The following TRHDE variants were observed in gnomAD, a reference collection of about 807,000 sequenced individuals.
TRHDE encodes thyrotropin releasing hormone degrading enzyme.
TRHDE carries 72 observed loss-of-function variants against 125.7 expected under a neutral mutation model. The ratio of observed to expected loss-of-function variants is 0.57; its 90% CI spans 0.47 to 0.70. The LOEUF (loss-of-function observed/expected upper bound fraction) is 0.70. Among genes scored for constraint, TRHDE ranks in the 30% least tolerant of loss-of-function variants. TRHDE has a pLI of 0.00. For synonymous variants in TRHDE, 509 were observed against 509.1 expected, an observed-to-expected ratio of 1.00 and a Z score of 0.00; for missense variants, 1,110 against 1,327.1, an observed-to-expected ratio of 0.84 and a Z score of 2.54.
intron 3 of TRHDE, among the ~76,000 whole-genome samples, chr12:72,441,452 T>C (rs1875007136): frequency 6.6e-6 from 1 of 151,844 alleles, no homozygotes; most frequent in Non-Finnish European, 1.5e-5. Context: ...AGTAAGACAG[T>C]TCATCATTGC....
chr12:72,620,268 T>C (rs1177526322), intron 13 of TRHDE, among the ~76,000 whole-genome samples: 2 of 145,196 alleles, frequency 1.4e-5, no homozygotes, highest in South Asian at 2.1e-4. Context: ...TTGTATTCCT[T>C]GGCAAAATTC....
At chr12:72,435,785 T>C (rs1290446701) in intron 3 of TRHDE, among the ~76,000 whole-genome samples, 1 of 151,932 alleles carries the variant, frequency 6.6e-6, no homozygotes, top group African/African-American at 2.4e-5. Flanking sequence ...AAAAGAAACA[T>C]ATAATTTTGA....
chr12:72,469,791 C>G lies in TRHDE; in HGVS notation c.1349C>G (p.Ala450Gly). Residue 450 changes from alanine to glycine, a missense_variant, in exon 4 of 19, where the codon GCT (alanine) becomes GGT (glycine). Coordinates refer to ENST00000261180, the MANE Select transcript of TRHDE (RefSeq NM_013381.3). The stretch of plus-strand genomic sequence containing the variant: ...GCTGTGCCTAAGCATCCGTATGCTG[C>G]TATGGAGAACTGGGGACTAAGTATT... Reference protein sequence around the residue: ...LLAVPKHPYAAMENWGLSIFV... With the variant: ...LLAVPKHPYAGMENWGLSIFV... 6.2e-7 allele frequency: 1 copy of G among 1,614,048 alleles called. No homozygotes were observed.
At chr12:72,565,129 A>G (rs2136014749) in intron 9 of TRHDE, among the ~76,000 whole-genome samples, 1 of 152,288 alleles carries the variant, frequency 6.6e-6, no homozygotes, top group African/African-American at 2.4e-5. Context: ...ATTCACTATA[A>G]CATCCTGGTC....
chr12:72,383,785 G>T (rs367921862), intron 3 of TRHDE, among the ~76,000 whole-genome samples: 3 of 130,738 alleles, frequency 2.3e-5, no homozygotes, highest in Admixed American at 8.2e-5. Context: ...AATATGTTTT[G>T]ACCACACAGC....
intron 2 of TRHDE, chr12:72,257,056 T>A (rs1878834469): frequency 1.3e-5 from 2 of 152,196 alleles, no homozygotes; most frequent in African/African-American, 4.8e-5. Context: ...TGTTGCCAAG[T>A]GGCTTAATTT....
chr12:72,125,792 T>C (rs1201994706), intron 2 of TRHDE, among the ~76,000 whole-genome samples: 1 of 152,158 alleles, frequency 6.6e-6, no homozygotes, highest in Non-Finnish European at 1.5e-5. Context: ...ATAAAAGTGA[T>C]CCCTGAAAGA....
chr12:72,319,243 G>T (rs1868960365), intron 2 of TRHDE, among the ~76,000 whole-genome samples: 1 of 152,100 alleles, frequency 6.6e-6, no homozygotes, highest in Non-Finnish European at 1.5e-5. Context: ...CTCATAGAGG[G>T]GCCAGCTGTT....
chr12:72,550,781 C>T (rs1424335759), intron 7 of TRHDE, among the ~76,000 whole-genome samples: 1 of 151,692 alleles, frequency 6.6e-6, no homozygotes, highest in Non-Finnish European at 1.5e-5. Context: ...ATATTTTCTC[C>T]AAAATGTTAA....
chr12:72,090,871 T>G (rs1410327857), intron 1 of TRHDE, among the ~76,000 whole-genome samples: 1 of 151,970 alleles, frequency 6.6e-6, no homozygotes, highest in Non-Finnish European at 1.5e-5. Flanking sequence ...TTTTTTTTTT[T>G]TAAGGGACAG....
intron 1 of TRHDE, among the ~76,000 whole-genome samples, chr12:72,277,951 G>A (rs1472060954): frequency 6.6e-6 from 1 of 152,050 alleles, no homozygotes; most frequent in Non-Finnish European, 1.5e-5. Flanking sequence ...TGGTGAGAAT[G>A]TTTAACATCT....
chr12:72,272,072 C>A, upstream of TRHDE: 1 of 457,724 alleles, frequency 2.2e-6, no homozygotes, highest in South Asian at 1.5e-5. The surrounding 1 kb of genome is among the most constrained non-coding windows in gnomAD (Gnocchi z 6.7). Flanking sequence ...TTCTCTCCAG[C>A]TGCAGGGTGT....
intron 2 of TRHDE, among the ~76,000 whole-genome samples, chr12:72,128,724 A>G (rs1654497445): frequency 6.6e-6 from 1 of 152,228 alleles, no homozygotes; most frequent in East Asian, 1.9e-4. Flanking sequence ...GAAACGCTCC[A>G]AAAGAAAACA....
intron 12 of TRHDE, among the ~76,000 whole-genome samples, chr12:72,606,089 C>T (rs1192270085): frequency 6.6e-6 from 1 of 152,198 alleles, no homozygotes; most frequent in African/African-American, 2.4e-5. Flanking sequence ...TGCTGCCAGT[C>T]TGACTTCCCA....
At chr12:72,135,686 G>A (rs1031195803) in intron 2 of TRHDE, among the ~76,000 whole-genome samples, 3 of 152,254 alleles carry the variant, frequency 2.0e-5, no homozygotes, top group Admixed American at 2.0e-4. Context: ...TTGTGTGGAT[G>A]AGATTGATGA....
intron 2 of TRHDE, among the ~76,000 whole-genome samples, chr12:72,298,553 A>C (rs1285608552): frequency 6.6e-6 from 1 of 152,154 alleles, no homozygotes; most frequent in Non-Finnish European, 1.5e-5. Flanking sequence ...CCAAGCCTTT[A>C]TAATCCAAGA....
At chr12:72,239,540 T>G (rs1480780538) in intron 2 of TRHDE, among the ~76,000 whole-genome samples, 1 of 152,124 alleles carries the variant, frequency 6.6e-6, no homozygotes, top group Non-Finnish European at 1.5e-5. Context: ...CTTGATAGAT[T>G]TTAAAGGTAA....
At chr12:72,521,450 G>A (rs1879191336) in intron 6 of TRHDE, among the ~76,000 whole-genome samples, 1 of 152,154 alleles carries the variant, frequency 6.6e-6, no homozygotes, top group African/African-American at 2.4e-5. Flanking sequence ...AGAGGGGAGA[G>A]TGTGAGTCGC....
intron 1 of TRHDE, among the ~76,000 whole-genome samples, chr12:72,099,600 C>T (rs1334467728): frequency 6.6e-6 from 1 of 152,254 alleles, no homozygotes; most frequent in African/African-American, 2.4e-5. Context: ...GCCTTCATAT[C>T]TCTCTTATTA....
Sources: gnomAD v4.1 joint callset for allele counts (sites outside exome capture counted in the v4.1 genomes callset) on GRCh38, gnomAD v4.1.1 for gene constraint, Gnocchi (gnomAD v3.1) non-coding constraint, MANE v1.5 for transcripts, NCBI Gene and HGNC (gene_info 2026-07-23, HGNC 2026-07-21) for gene names.